TNPO2: variants seen among roughly 807,000 people sequenced by gnomAD.
TNPO2 encodes transportin-2.
A neutral mutation model predicts 111.1 loss-of-function variants in TNPO2; 16 were observed. That is an observed-to-expected ratio of 0.14 (90% confidence interval 0.10 to 0.22). TNPO2 has a LOEUF of 0.22. TNPO2 is among the 10% of genes least tolerant of loss of function. The probability of loss-of-function intolerance (pLI) is 1.00; values close to 1 mark genes in which losing one functional copy is unlikely to be tolerated. For missense variants in TNPO2, 530 were observed against 1,173.7 expected (o/e 0.45, Z 8.01); for synonymous variants, 481 against 475.8 (o/e 1.01, Z -0.14).
rs74781291 is a variant in TNPO2, at chr19:12,710,366, T to C, written c.1270+255A>G. On this transcript the variant is annotated intron_variant, in intron 13 of 25. Transcript: ENST00000425528. ...AAGCATGCAGCTGTGCCTGCTGTTA[T>C]TATCATTGTTGCTGTAATTATGCTT... 6.4e-3 allele frequency among the ~76,000 whole-genome samples: 972 copies of C among 152,328 alleles called. 9 individuals carry two copies. The highest frequency in any genetic ancestry group is 0.022 in the African/African-American group (915 of 41,562).
At chr19:12,711,497 C>G in intron 11 of TNPO2, 36 bp from the exon 12 acceptor site, 1 of 1,613,824 alleles carries the variant, frequency 6.2e-7, no homozygotes, top group South Asian at 1.1e-5. Flanking sequence ...ACTTTGGGGA[C>G]CACAGCCGCG....
Position 12,716,146 on chromosome 19 carries a change from C to T in TNPO2, c.326-407G>A, listed in dbSNP as rs1027959614. Reference sequence around the variant, plus strand: ...TTGGCCTCCAAAAGCACTGAGATTACAGGCGTGAGCCACCGCTCCTGGCCT... The same window carrying T: ...TTGGCCTCCAAAAGCACTGAGATTATAGGCGTGAGCCACCGCTCCTGGCCT... On this transcript the variant is annotated intron_variant, in intron 5 of 25. Transcript: ENST00000425528. 3.3e-5 allele frequency among the ~76,000 whole-genome samples: 5 copies of T among 152,322 alleles called. 1 individual carries two copies. Among genetic ancestry groups the T allele is most frequent in the South Asian group, 2.1e-4 (1 of 4,834 alleles).
intron 13 of TNPO2, among the ~76,000 whole-genome samples, chr19:12,709,918 C>A (rs2025944892): frequency 6.6e-6 from 1 of 152,104 alleles, no homozygotes; most frequent in Non-Finnish European, 1.5e-5. Context: ...AGTAACTAGA[C>A]AAATTTTAGA....
At position 12,701,379 on chromosome 19, in the gene TNPO2, G is replaced by C; in HGVS notation, c.2661C>G (p.Leu887=). The C allele has an allele frequency of 1.2e-6, 2 of 1,613,938 alleles. No individual in the cohort carries two copies. Among genetic ancestry groups the C allele is most frequent in the Non-Finnish European group, 1.7e-6 (2 of 1,179,868 alleles). ...QQFSEQFPPL[L]KERLAAFYGV is the part of the protein sequence containing the mutation. ...CATAGAAAGCCGCCAGCCTCTCCTTGAGCAGCGGCGGGAATTGCTCAGAGA... is the reference window on the plus strand; with the variant it reads ...CATAGAAAGCCGCCAGCCTCTCCTTCAGCAGCGGCGGGAATTGCTCAGAGA... Residue 887 remains leucine, a synonymous_variant, in exon 25 of 26, where the codon CTC becomes CTG. Transcript: ENST00000425528. The surrounding 1 kb of genome is among the most constrained non-coding windows in gnomAD (Gnocchi z 5.0).
At chr19:12,711,692 A>G in intron 10 of TNPO2, 79 bp from the exon 11 acceptor site, 1 of 1,271,686 alleles carries the variant, frequency 7.9e-7, no homozygotes, top group Non-Finnish European at 1.1e-6. Context: ...GGGAGGAGGC[A>G]AACAGGTGCC....
At chr19:12,717,653 G>A (rs2026438968) in intron 5 of TNPO2, among the ~76,000 whole-genome samples, 1 of 152,082 alleles carries the variant, frequency 6.6e-6, no homozygotes, top group Non-Finnish European at 1.5e-5. Flanking sequence ...CTACTGGCCT[G>A]GGAGGGGGTT....
rs2025397483 is a variant in TNPO2, at chr19:12,702,747, G to T, written c.2305+76C>A. The T allele has an allele frequency of 1.5e-6, 2 of 1,364,094 alleles. No individual in the cohort carries two copies. Among genetic ancestry groups the T allele is most frequent in the Admixed American group, 1.7e-5 (1 of 57,578 alleles). 84.5% of individuals were successfully genotyped at this position (1,364,094 alleles called of 1,614,324 possible). A position where few individuals can be genotyped will look rare whatever the true frequency, so the allele number is the denominator to read the frequency against. On this transcript the variant is annotated intron_variant, in intron 21 of 25. Coordinates refer to ENST00000425528, the MANE Select transcript of TNPO2 (RefSeq NM_001382241.1). This position sits in a 1 kb window ranked among gnomAD's most constrained non-coding sequence, Gnocchi z 5.5. ...TTGGTTCCTTGACAAGGCTCTTTCT[G>T]ATGCCCTTCCCAGCCCAGAACCCCA...
chr19:12,706,537 G>A lies in TNPO2; in HGVS notation c.1496+33C>T. ...CTTCCCAGAGGGTGGCCGGGGGAGA[G>A]TGGGGGCTGTGGGATCAGGGGTCCA... is the stretch of plus-strand genomic sequence containing the variant. On this transcript the variant is annotated intron_variant, in intron 14 of 25. Transcript: ENST00000425528. This position sits in a 1 kb window ranked among gnomAD's most constrained non-coding sequence, Gnocchi z 7.0. The A allele has an allele frequency of 6.2e-7, 1 of 1,608,934 alleles. No individual in the cohort carries two copies. The highest frequency in any genetic ancestry group is 8.5e-7 in the Non-Finnish European group (1 of 1,175,656).
rs767484079 is a variant in TNPO2 at position 12,719,386 on chromosome 19, G to GT, written c.100-51dup. 1 of 1,536,218 alleles carries GT rather than the reference G, an allele frequency of 6.5e-7. No individual in the cohort carries two copies. Among genetic ancestry groups the GT allele is most frequent in the Non-Finnish European group, 9.0e-7 (1 of 1,113,004 alleles). On this transcript the variant is annotated intron_variant, in intron 3 of 25. Coordinates refer to ENST00000425528, the MANE Select transcript of TNPO2 (RefSeq NM_001382241.1). This position sits in a 1 kb window ranked among gnomAD's most constrained non-coding sequence, Gnocchi z 5.0. ...AAGACAGAGGCCTTCCCCCAGCCAG[G>GT]TCCCCTCATTATGTACCTGACACTA...
chr19:12,701,481 G>A lies in TNPO2; in HGVS notation c.2587-28C>T, dbSNP rs1478496680. ...GTGGGGAGGGTGGTGGTGAGGGGTAGGCAGGGGCAGAACAAGGGGAGTGCG... is the reference window on the plus strand; with the variant it reads ...GTGGGGAGGGTGGTGGTGAGGGGTAAGCAGGGGCAGAACAAGGGGAGTGCG... On this transcript the variant is annotated intron_variant, in intron 24 of 25. Transcript: ENST00000425528. The surrounding 1 kb of genome is among the most constrained non-coding windows in gnomAD (Gnocchi z 5.0). The A allele has an allele frequency of 6.2e-7, 1 of 1,607,294 alleles. No homozygotes were observed.
intron 5 of TNPO2, among the ~76,000 whole-genome samples, chr19:12,716,386 G>A (rs961297553): frequency 1.4e-4 from 21 of 152,028 alleles, no homozygotes; most frequent in African/African-American, 4.6e-4. Flanking sequence ...AGCACTTTGG[G>A]GGACCGAGGT....
In TNPO2 at chr19:12,721,381, GC is replaced by G; in HGVS notation, c.-13-392del. 9.3e-7 allele frequency: 1 copy of G among 1,074,724 alleles called. No homozygotes were observed. Among genetic ancestry groups the G allele is most frequent in the Non-Finnish European group, 1.2e-6 (1 of 803,066 alleles). 66.6% of individuals were successfully genotyped at this position (1,074,724 alleles called of 1,614,324 possible). ...AGCCGCCTCCACATCCAGGGGCCCC[GC>G]CCCAGACCGTGATAGCGCCCCGGCC... On this transcript the variant is annotated intron_variant, in intron 2 of 25. Transcript: ENST00000425528. This position sits in a 1 kb window ranked among gnomAD's most constrained non-coding sequence, Gnocchi z 4.9.
In TNPO2 at chr19:12,719,207, G is replaced by C. The variant is rs1057211719; in HGVS notation, c.176-29C>G. On this transcript the variant is annotated intron_variant, in intron 4 of 25. Coordinates refer to ENST00000425528, the MANE Select transcript of TNPO2 (RefSeq NM_001382241.1). This position sits in a 1 kb window ranked among gnomAD's most constrained non-coding sequence, Gnocchi z 5.0. Reference sequence around the variant, plus strand: ...GGAGGAGGAAGGCTGAGGTTCAGGGGCCCAGGGGGAGAAAGCAGGGTCCCG... The same window carrying C: ...GGAGGAGGAAGGCTGAGGTTCAGGGCCCCAGGGGGAGAAAGCAGGGTCCCG... 2 of 1,613,884 alleles carry C rather than the reference G, an allele frequency of 1.2e-6. No individual in the cohort carries two copies. Among genetic ancestry groups the C allele is most frequent in the Non-Finnish European group, 1.7e-6 (2 of 1,179,768 alleles).
Position 12,715,506 on chromosome 19 carries a change from T to C in TNPO2, c.465A>G (p.Glu155=), listed in dbSNP as rs534702138. 1 of 1,613,918 alleles carries C rather than the reference T, an allele frequency of 6.2e-7. No homozygotes were observed. The highest frequency in any genetic ancestry group is 1.3e-5 in the African/African-American group (1 of 75,014). The change falls in exon 7 of 26, where the codon GAA becomes GAG. Residue 155 remains glutamate, a synonymous_variant. Coordinates refer to ENST00000425528, the MANE Select transcript of TNPO2 (RefSeq NM_001382241.1). The surrounding 1 kb of genome is among the most constrained non-coding windows in gnomAD (Gnocchi z 7.1). ...CACTGTCCAGAAGCTCTGATGAGTC[T>C]TCACAGATCTTCTGCAGGGCTCCAA... ...GAFGALQKIC[E]DSSELLDSDA...
chr19:12,703,859 T>C, intron 18 of TNPO2, 58 bp from the exon 19 acceptor site: 1 of 1,448,540 alleles, frequency 6.9e-7, no homozygotes, highest in Non-Finnish European at 9.4e-7. Context: ...CCAGGACAGC[T>C]CAGGGGGCAC....
At chr19:12,714,690 A>T (rs546719255) in intron 10 of TNPO2, 131 bp downstream of exon 10, 1 of 728,608 alleles carries the variant, frequency 1.4e-6, no homozygotes, top group Non-Finnish European at 2.3e-6. Flanking sequence ...CCACTTACAC[A>T]TAAATATATA....
At position 12,711,626 on chromosome 19, in the gene TNPO2, G is replaced by C; in HGVS notation, c.891-13C>G. ...GATGGGGATCAACCTGCACAGAGAG[G>C]GACTGTTTATGGGGATGCAGGGGCC... On this transcript the variant is annotated splice_polypyrimidine_tract_variant and intron_variant, in intron 10 of 25. Transcript: ENST00000425528. 6.2e-7 allele frequency: 1 copy of C among 1,612,372 alleles called. No homozygotes were observed.
At position 12,700,244 on chromosome 19, in the gene TNPO2, C is replaced by T. The variant is rs953040816; in HGVS notation, c.*1020G>A. 2.0e-5 allele frequency: 3 copies of T among 151,356 alleles called. No homozygotes were observed. The highest frequency in any genetic ancestry group is 7.3e-5 in the African/African-American group (3 of 40,904). 9.4% of individuals were successfully genotyped at this position (151,356 alleles called of 1,614,324 possible). On this transcript the variant is annotated 3_prime_UTR_variant, in exon 26 of 26. Coordinates refer to ENST00000425528, the MANE Select transcript of TNPO2 (RefSeq NM_001382241.1). ...GTCATCATCAATTAAACGCCCCTGC[C>T]CCAGGCCTTGAGTTAAAACTGGGGC...
chr19:12,704,692 T>G lies in TNPO2; in HGVS notation c.2022+548A>C, dbSNP rs562520925. Reference sequence around the variant, plus strand: ...ACATTTTCTATTTTCTTTTCTTTCTTTTTTTTTGAAGACAGAGTCTCAGTT... The same window carrying G: ...ACATTTTCTATTTTCTTTTCTTTCTGTTTTTTTGAAGACAGAGTCTCAGTT... On this transcript the variant is annotated intron_variant, in intron 18 of 25. Coordinates refer to ENST00000425528, the MANE Select transcript of TNPO2 (RefSeq NM_001382241.1). 1.8e-4 allele frequency among the ~76,000 whole-genome samples: 28 copies of G among 151,980 alleles called. No homozygotes were observed. In the South Asian group the frequency reaches 5.4e-3, roughly 29 times the overall value.
Sources: allele counts gnomAD v4.1 joint callset (sites outside exome capture counted in the v4.1 genomes callset), GRCh38; gene constraint gnomAD v4.1.1; non-coding constraint Gnocchi (gnomAD v3.1); transcripts MANE v1.5; gene names NCBI Gene and HGNC (gene_info 2026-07-23, HGNC 2026-07-21).